CIMIP2C: variants seen among roughly 807,000 people sequenced by gnomAD.
The protein encoded by CIMIP2C is UPF0573 protein C2orf70.
the CIMIP2C span, among the ~76,000 whole-genome samples, chr2:26,576,955 C>G: frequency 9.2e-5 from 14 of 152,364 alleles, no homozygotes; most frequent in East Asian, 1.4e-3. Context: ...AAGCCTCCCC[C>G]TCTAGCCTGA....
At chr2:26,577,476 G>A in the CIMIP2C span, 1 of 1,571,852 alleles carries the variant, frequency 6.4e-7, no homozygotes, top group South Asian at 1.1e-5. Context: ...TCAGTCCTGT[G>A]CACTAACAAC....
chr2:26,577,408 G>A, the CIMIP2C span: 5 of 1,018,880 alleles, frequency 4.9e-6, no homozygotes, highest in Non-Finnish European at 7.4e-6. Context: ...GGGCATTAGG[G>A]GAGGTGGCCC....
chr2:26,574,100 A>C, the CIMIP2C span, among the ~76,000 whole-genome samples: 1 of 152,222 alleles, frequency 6.6e-6, no homozygotes, highest in Non-Finnish European at 1.5e-5. Flanking sequence ...AAGACCCCAG[A>C]AGAGGTGAGA....
chr2:26,562,762 C>A, the CIMIP2C span: 2 of 1,293,156 alleles, frequency 1.5e-6, no homozygotes, highest in Non-Finnish European at 2.2e-6. Flanking sequence ...CAGCCCCCTG[C>A]CCCCGGACTT....
chr2:26,573,658 C>T, the CIMIP2C span, among the ~76,000 whole-genome samples: 5 of 152,216 alleles, frequency 3.3e-5, no homozygotes, highest in African/African-American at 7.2e-5. Flanking sequence ...ACCTGGCCTC[C>T]GCGGGGAACT....
At chr2:26,562,683 C>A in the CIMIP2C span, 1 of 1,568,760 alleles carries the variant, frequency 6.4e-7, no homozygotes, top group Non-Finnish European at 8.6e-7. Context: ...GGACTCATGC[C>A]CGGGTAAGGC....
chr2:26,576,102 G>A, the CIMIP2C span: 1 of 1,614,156 alleles, frequency 6.2e-7, no homozygotes, highest in Non-Finnish European at 8.5e-7. Flanking sequence ...CGGGACCGCT[G>A]GCTGCACAAG....
the CIMIP2C span, chr2:26,563,024 G>A: frequency 2.7e-5 from 9 of 334,056 alleles, no homozygotes; most frequent in African/African-American, 1.5e-4. Flanking sequence ...CGCCCCAGGC[G>A]GGCAGCCTCC....
chr2:26,568,718 AT>A, the CIMIP2C span, among the ~76,000 whole-genome samples: 3 of 152,192 alleles, frequency 2.0e-5, no homozygotes, highest in African/African-American at 7.2e-5. Context: ...AGTGGCTCAG[AT>A]TATTGTGATA....
chr2:26,569,983 G>C, the CIMIP2C span, among the ~76,000 whole-genome samples: 1 of 152,190 alleles, frequency 6.6e-6, no homozygotes, highest in South Asian at 2.1e-4. Flanking sequence ...GTGCATATAA[G>C]GGACACAGAC....
At chr2:26,569,849 T>G in the CIMIP2C span, among the ~76,000 whole-genome samples, 1 of 152,300 alleles carries the variant, frequency 6.6e-6, no homozygotes, top group East Asian at 1.9e-4. Flanking sequence ...CTCGATGCCC[T>G]GTTATAAAAC....
chr2:26,564,794 C>T, the CIMIP2C span, among the ~76,000 whole-genome samples: 5 of 152,182 alleles, frequency 3.3e-5, no homozygotes, highest in East Asian at 5.8e-4. Flanking sequence ...TTCATAGAGG[C>T]GAGAATATTC....
At chr2:26,564,264 C>T in the CIMIP2C span, among the ~76,000 whole-genome samples, 1 of 152,190 alleles carries the variant, frequency 6.6e-6, no homozygotes, top group Admixed American at 6.5e-5. Flanking sequence ...TTTCTATTGT[C>T]TGACTCCTGG....
chr2:26,567,743 A>G, the CIMIP2C span, among the ~76,000 whole-genome samples: 3 of 152,194 alleles, frequency 2.0e-5, no homozygotes, highest in African/African-American at 4.8e-5. Flanking sequence ...CTTTGTGCCC[A>G]TTCGTTAGTA....
At chr2:26,576,255 C>T in the CIMIP2C span, 3 of 1,496,826 alleles carry the variant, frequency 2.0e-6, no homozygotes, top group Non-Finnish European at 2.7e-6. Context: ...TGGCCAGGGG[C>T]CAGGGGGAGA....
At chr2:26,575,885 C>G in the CIMIP2C span, 2 of 1,609,550 alleles carry the variant, frequency 1.2e-6, no homozygotes, top group Non-Finnish European at 1.7e-6. Flanking sequence ...CTCCACCACC[C>G]CCACCGTGAT....
At chr2:26,574,864 A>C in the CIMIP2C span, among the ~76,000 whole-genome samples, 1 of 152,252 alleles carries the variant, frequency 6.6e-6, no homozygotes, top group Non-Finnish European at 1.5e-5. Flanking sequence ...CAGCAAGAGC[A>C]CAGGCGGCCT....
the CIMIP2C span, among the ~76,000 whole-genome samples, chr2:26,564,014 A>T: frequency 5.9e-5 from 9 of 152,178 alleles, no homozygotes; most frequent in African/African-American, 1.7e-4. Flanking sequence ...CCTTTATTTA[A>T]GACATTCATG....
chr2:26,570,290 C>T, the CIMIP2C span, among the ~76,000 whole-genome samples: 18 of 152,346 alleles, frequency 1.2e-4, no homozygotes, highest in South Asian at 4.1e-4. Context: ...AGGAGCCCAT[C>T]GCCCCTGTAG....
Sources: allele counts gnomAD v4.1 joint callset (sites outside exome capture counted in the v4.1 genomes callset), GRCh38; gene constraint gnomAD v4.1.1; transcripts MANE v1.5; gene names NCBI Gene and HGNC (gene_info 2026-07-23, HGNC 2026-07-21).